DNAH9: variants seen among roughly 807,000 people sequenced by gnomAD.
DNAH9 encodes the protein dynein axonemal heavy chain 9.
A neutral mutation model predicts 471.6 loss-of-function variants in DNAH9; 345 were observed. The observed-to-expected ratio is 0.73, with a 90% CI of 0.67 to 0.80. The LOEUF (loss-of-function observed/expected upper bound fraction) is 0.80. Ranked by LOEUF, DNAH9 falls within the 30% of genes least tolerant of loss-of-function variation. The pLI is 0.00. For synonymous variants in DNAH9, 2,093 were observed against 2,123.6 expected (o/e 0.99, Z 0.40); for missense variants, 5,407 against 5,609.2 (o/e 0.96, Z 1.15).
intron 43 of DNAH9, among the ~76,000 whole-genome samples, chr17:11,804,542 C>G (rs558381682): frequency 6.6e-6 from 1 of 152,064 alleles, no homozygotes; most frequent in African/African-American, 2.4e-5. Context: ...TCCCTAGAAA[C>G]CAAATAAATA....
At chr17:11,765,112 C>A (rs980636690) in intron 36 of DNAH9, among the ~76,000 whole-genome samples, 4 of 152,150 alleles carry the variant, frequency 2.6e-5, no homozygotes, top group African/African-American at 9.7e-5. Flanking sequence ...CATAGGGGTA[C>A]CCAGCTCCTA....
intron 28 of DNAH9, among the ~76,000 whole-genome samples, chr17:11,738,196 G>A (rs1362944800): frequency 6.6e-6 from 1 of 152,162 alleles, no homozygotes; most frequent in South Asian, 2.1e-4. Flanking sequence ...TCCAAGCATG[G>A]TGAAGCTCAA....
rs750280492 is a variant in DNAH9 at position 11,651,095 on chromosome 17, C to A, written c.2124C>A (p.Ser708Arg). The A allele has an allele frequency of 1.2e-6, 2 of 1,613,842 alleles. No homozygotes were observed. The highest frequency in any genetic ancestry group is 1.7e-6 in the Non-Finnish European group (2 of 1,179,872). Residue 708 changes from serine to arginine, a missense_variant, in exon 13 of 69, where the codon AGC becomes AGA. This residue lies in a region of DNAH9 where 4,636 missense variants were observed against 4,900.3 expected (regional missense o/e 0.95). Transcript: ENST00000262442. Reference sequence around the variant, plus strand: ...TGATTTCAGTGCTGAAAGAAATGAGCTATCTTGAACCCAGAGAGATGAAAC... The same window carrying A: ...TGATTTCAGTGCTGAAAGAAATGAGATATCTTGAACCCAGAGAGATGAAAC... Reference protein sequence around the residue: ...PQLISVLKEMSYLEPREMKHM... With the variant: ...PQLISVLKEMRYLEPREMKHM...
Position 11,905,754 on chromosome 17 carries a change from T to C in DNAH9, c.11694T>C (p.Pro3898=). 1 of 1,614,194 alleles carries C rather than the reference T, an allele frequency of 6.2e-7. No individual in the cohort carries two copies. Among genetic ancestry groups the C allele is most frequent in the Non-Finnish European group, 8.5e-7 (1 of 1,180,012 alleles). ...TSFEESGPAT[P]MFFILSPGVD... Reference sequence around the variant, plus strand: ...TTGAAGAATCGGGACCAGCCACTCCTATGTTTTTCATCCTGTCTCCAGGGG... The same window carrying C: ...TTGAAGAATCGGGACCAGCCACTCCCATGTTTTTCATCCTGTCTCCAGGGG... Residue 3898 remains proline, a synonymous_variant, in exon 61 of 69, where the codon CCT becomes CCC. Coordinates refer to ENST00000262442, the MANE Select transcript of DNAH9 (RefSeq NM_001372.4).
intron 43 of DNAH9, among the ~76,000 whole-genome samples, chr17:11,806,436 G>A (rs1969685661): frequency 6.6e-6 from 1 of 152,124 alleles, no homozygotes; most frequent in South Asian, 2.1e-4. Context: ...TTACAGACAG[G>A]CAATTTATTC....
chr17:11,817,958 T>C (rs1386046846), intron 45 of DNAH9, among the ~76,000 whole-genome samples: 2 of 152,224 alleles, frequency 1.3e-5, no homozygotes, highest in Non-Finnish European at 2.9e-5. Context: ...ATTGGTTTAG[T>C]GCTATCAAAC....
intron 37 of DNAH9, 100 bp from the exon 38 acceptor site, chr17:11,769,022 G>A (rs914036399): frequency 2.8e-5 from 35 of 1,254,768 alleles, no homozygotes; most frequent in Non-Finnish European, 3.7e-5. Context: ...GAGCTCCATC[G>A]TGACGGAATC....
chr17:11,669,038 G>A (rs1217693093), intron 15 of DNAH9, 26 bp from the exon 16 acceptor site: 7 of 1,543,218 alleles, frequency 4.5e-6, no homozygotes, highest in Non-Finnish European at 6.2e-6. Context: ...TCTTTGTTTT[G>A]TTTGCTTGTT....
chr17:11,716,002 T>A (rs2074954005), intron 26 of DNAH9, among the ~76,000 whole-genome samples: 1 of 152,056 alleles, frequency 6.6e-6, no homozygotes, highest in Non-Finnish European at 1.5e-5. Context: ...CCAAAGGACT[T>A]GCTGCTGGCT....
intron 41 of DNAH9, among the ~76,000 whole-genome samples, chr17:11,786,501 C>T (rs1395277041): frequency 1.3e-5 from 2 of 152,094 alleles, no homozygotes; most frequent in Admixed American, 6.5e-5. Context: ...CCAACATTGA[C>T]TGAGCACAGT....
At chr17:11,965,575 G>T (rs1345889124) in intron 68 of DNAH9, among the ~76,000 whole-genome samples, 1 of 152,108 alleles carries the variant, frequency 6.6e-6, no homozygotes, top group African/African-American at 2.4e-5. Context: ...GAAACAAAAA[G>T]CAATGGCCCA....
rs1970764832 is a variant in DNAH9, at chr17:11,834,254, A to T, written c.9247-384A>T. On this transcript the variant is annotated intron_variant, in intron 48 of 68. Transcript: ENST00000262442. ...TGAGACAGGAGAATCTCTTGAACCCAGGAGGCGGAGGTTGCAGTGAGCCGA... is the reference window on the plus strand; with the variant it reads ...TGAGACAGGAGAATCTCTTGAACCCTGGAGGCGGAGGTTGCAGTGAGCCGA... Among the ~76,000 whole-genome samples, 4 of 135,694 alleles carry T rather than the reference A, an allele frequency of 2.9e-5. No individual in the cohort carries two copies. The South Asian group carries it at 1.0e-3, about 34-fold the overall frequency. 89.0% of individuals were successfully genotyped at this position (135,694 alleles called of 152,430 possible).
Position 11,859,874 on chromosome 17 carries a change from C to T in DNAH9, c.9933+5446C>T, listed in dbSNP as rs542548827. Among the ~76,000 whole-genome samples, 4 of 152,278 alleles carry T rather than the reference C, an allele frequency of 2.6e-5. No individual in the cohort carries two copies. The South Asian group carries it at 8.3e-4, about 32-fold the overall frequency. On this transcript the variant is annotated intron_variant, in intron 50 of 68. Transcript: ENST00000262442. ...ATGATCCAATCACCTCCCACCAGGC[C>T]CCACTTCCAACACTGGGAATCGCAT... is the stretch of plus-strand genomic sequence containing the variant.
In DNAH9 at chr17:11,860,687, G is replaced by A. The variant is rs551579372; in HGVS notation, c.9933+6259G>A. Among the ~76,000 whole-genome samples the A allele has an allele frequency of 5.9e-5, 9 of 152,078 alleles. No homozygotes were observed. The South Asian group carries it at 6.2e-4, about 11-fold the overall frequency. ...AGCGATTCTCCTGCCTCAGTCTTCCGAGTAGCTGGGATTACAGGCATGTGC... is the reference window on the plus strand; with the variant it reads ...AGCGATTCTCCTGCCTCAGTCTTCCAAGTAGCTGGGATTACAGGCATGTGC... On this transcript the variant is annotated intron_variant, in intron 50 of 68. Transcript: ENST00000262442.
chr17:11,672,790 G>A (rs182674218), intron 17 of DNAH9, among the ~76,000 whole-genome samples: 1 of 152,160 alleles, frequency 6.6e-6, no homozygotes, highest in East Asian at 1.9e-4. Flanking sequence ...ATTCTCAGTG[G>A]GGCTCAGAGA....
Position 11,679,852 on chromosome 17 carries a change from G to A in DNAH9, c.3449G>A (p.Gly1150Glu), listed in dbSNP as rs1452478154. 3.7e-6 allele frequency: 6 copies of A among 1,614,118 alleles called. No individual in the cohort carries two copies. The highest frequency in any genetic ancestry group is 3.4e-6 in the Non-Finnish European group (4 of 1,180,002). The part of the protein sequence containing the change: ...GDFQGLVEIM[G>E]HLMAVKERQS... ...TTCCAAGGCTTGGTTGAGATCATGG[G>A]ACACCTTATGGCTGTTAAAGAACGG... Residue 1150 changes from glycine to glutamate, a missense_variant, in exon 18 of 69, where the codon GGA (glycine) becomes GAA (glutamate). Gly to Glu is a moderately conservative substitution (Grantham distance 98). This residue lies in a region of DNAH9 where 4,636 missense variants were observed against 4,900.3 expected (regional missense o/e 0.95). Coordinates refer to ENST00000262442, the MANE Select transcript of DNAH9 (RefSeq NM_001372.4).
Position 11,930,097 on chromosome 17 carries a change from C to T in DNAH9, c.12105+4C>T, listed in dbSNP as rs147758066. 1.7e-4 allele frequency: 267 copies of T among 1,612,032 alleles called. No homozygotes were observed. Among genetic ancestry groups the T allele is most frequent in the African/African-American group, 1.2e-3 (91 of 75,008 alleles). ...GGCCCTGGACAACTTCACTCAGGTA[C>T]GGCCCCGGGAGGGAGGCAAAAACAG... On this transcript the variant is annotated splice_donor_region_variant and intron_variant, in intron 63 of 68. Transcript: ENST00000262442.
At chr17:11,634,360 G>A (rs1357979088) in intron 8 of DNAH9, among the ~76,000 whole-genome samples, 1 of 152,140 alleles carries the variant, frequency 6.6e-6, no homozygotes, top group Non-Finnish European at 1.5e-5. Context: ...TCAAGGCTGG[G>A]GAGTAGGGAC....
At position 11,598,867 on chromosome 17, in the gene DNAH9, G is replaced by A; in HGVS notation, c.369G>A (p.Gly123=). The change falls in exon 1 of 69, where the codon GGG becomes GGA. Residue 123 remains glycine (G), a synonymous_variant. Coordinates refer to ENST00000262442, the MANE Select transcript of DNAH9 (RefSeq NM_001372.4). ...GCTTCCGCGGCGCAGTGGTCTGCGG[G>A]GACCTGCCCGCGGCACCTCTGGAGC... ...PDSFRGAVVC[G]DLPAAPLEHL... is the part of the protein sequence containing the mutation. 2 of 1,543,904 alleles carry A rather than the reference G, an allele frequency of 1.3e-6. No homozygotes were observed. Among genetic ancestry groups the A allele is most frequent in the Middle Eastern group, 1.7e-4 (1 of 5,908 alleles).
Sources: gnomAD v4.1 joint callset for allele counts (sites outside exome capture counted in the v4.1 genomes callset) on GRCh38, gnomAD v4.1.1 for gene constraint, gnomAD v4.1.1 regional missense constraint, MANE v1.5 for transcripts, NCBI Gene and HGNC (gene_info 2026-07-23, HGNC 2026-07-21) for gene names.